The following SHOC1 variants were observed in gnomAD, a reference collection of about 807,000 sequenced individuals.
The protein encoded by SHOC1 is protein shortage in chiasmata 1 ortholog.
A neutral mutation model predicts 179.2 loss-of-function variants in SHOC1; 136 were observed. The observed-to-expected ratio is 0.76, with a 90% CI of 0.66 to 0.87. The LOEUF (loss-of-function observed/expected upper bound fraction) is 0.87, where lower values mean the gene tolerates loss of function less well. SHOC1 is among the 40% of genes least tolerant of loss of function. The pLI, the probability that SHOC1 is intolerant of heterozygous loss-of-function variation, is 0.00. For synonymous variants in SHOC1, 489 were observed against 586.6 expected, an observed-to-expected ratio of 0.83 and a Z score of 2.41; for missense variants, 1,538 against 1,700.8, an observed-to-expected ratio of 0.90 and a Z score of 1.68.
At chr9:111,690,329 G>A (rs1414771433) in intron 27 of SHOC1, among the ~76,000 whole-genome samples, 1 of 152,192 alleles carries the variant, frequency 6.6e-6, no homozygotes, top group Non-Finnish European at 1.5e-5. Context: ...GGGAGGCTAA[G>A]ATGGGAGGAT....
chr9:111,720,360 G>A (rs1293343049), intron 15 of SHOC1, among the ~76,000 whole-genome samples: 1 of 152,194 alleles, frequency 6.6e-6, no homozygotes, highest in African/African-American at 2.4e-5. Context: ...CATGTGGCAT[G>A]TCTTTTTGTT....
At position 111,694,366 on chromosome 9, in the gene SHOC1, AAAAATAT is replaced by A; in HGVS notation, c.3184-11_3184-5del. 6.3e-7 allele frequency: 1 copy of A among 1,595,924 alleles called. No individual in the cohort carries two copies. ...CTACTCCTGGGGCAATTATAAGCTA[AAAAATAT>A]TTTTTATGTTAGATTATAGGAAATA... On this transcript the variant is annotated splice_polypyrimidine_tract_variant and splice_region_variant and intron_variant, in intron 24 of 27. Transcript: ENST00000682961.
chr9:111,703,327 C>A (rs77737223), intron 22 of SHOC1, among the ~76,000 whole-genome samples: 1,773 of 152,154 alleles, frequency 0.012, 21 homozygotes, highest in Non-Finnish European at 0.017. Flanking sequence ...TGCTCCCACT[C>A]CCACCCCAAT....
chr9:111,691,461 T>C, intron 27 of SHOC1, 90 bp downstream of exon 27: 2 of 1,327,034 alleles, frequency 1.5e-6, no homozygotes, highest in Non-Finnish European at 2.0e-6. Context: ...AATGTAGTAA[T>C]TAAAACAAAA....
At chr9:111,699,641 T>C (rs114012960) in intron 24 of SHOC1, among the ~76,000 whole-genome samples, 334 of 152,314 alleles carry the variant, frequency 2.2e-3, no homozygotes, top group African/African-American at 7.4e-3. Flanking sequence ...TTACAGCAGA[T>C]ACAAGCTTAG....
At chr9:111,736,906 T>C (rs1386162499) in intron 12 of SHOC1, among the ~76,000 whole-genome samples, 2 of 152,042 alleles carry the variant, frequency 1.3e-5, no homozygotes, top group African/African-American at 2.4e-5. Flanking sequence ...GCAAAAGACA[T>C]GAACAGACAC....
chr9:111,787,738 T>C (rs1017757697), intron 2 of SHOC1, among the ~76,000 whole-genome samples: 4 of 152,062 alleles, frequency 2.6e-5, no homozygotes, highest in African/African-American at 9.7e-5. Context: ...GAGGATTGAG[T>C]CTAATTTTCA....
chr9:111,746,278 T>G lies in SHOC1; in HGVS notation c.1035A>C (p.Leu345Phe). The G allele has an allele frequency of 1.9e-6, 3 of 1,612,246 alleles. No homozygotes were observed. Among genetic ancestry groups the G allele is most frequent in the Non-Finnish European group, 2.5e-6 (3 of 1,178,490 alleles). Residue 345 changes from leucine to phenylalanine, a missense_variant, in exon 10 of 28, where the codon TTA (leucine) becomes TTC (phenylalanine). Physicochemically the swap from Leu to Phe is conservative, Grantham distance 22. Coordinates refer to ENST00000682961, the MANE Select transcript of SHOC1 (RefSeq NM_001378211.1). Reference protein sequence around the residue: ...LTCQHSSVNSLRTELQTFPLS... With the variant: ...LTCQHSSVNSFRTELQTFPLS... The stretch of plus-strand genomic sequence containing the variant: ...ATGGAAATGTCTGAAGTTCTGTACG[T>G]AATGAATTCACTGAAGAATGTTGGC...
intron 9 of SHOC1, 130 bp from the exon 10 acceptor site, chr9:111,746,472 T>TA: frequency 1.9e-6 from 1 of 529,616 alleles, no homozygotes; most frequent in Non-Finnish European, 3.4e-6. Flanking sequence ...TCCAGGAGTT[T>TA]AAGACCTGGG....
At chr9:111,766,419 C>A (rs1835362506) in intron 5 of SHOC1, among the ~76,000 whole-genome samples, 1 of 152,072 alleles carries the variant, frequency 6.6e-6, no homozygotes, top group Non-Finnish European at 1.5e-5. Context: ...ACTGCTGGAT[C>A]ATATGGTAGT....
intron 16 of SHOC1, among the ~76,000 whole-genome samples, chr9:111,715,026 A>G (rs999109535): frequency 6.6e-6 from 1 of 152,198 alleles, no homozygotes; most frequent in East Asian, 1.9e-4. Flanking sequence ...TTATTTATGT[A>G]TATCACTTAG....
chr9:111,780,868 G>A (rs1297448242), intron 4 of SHOC1, 62 bp downstream of exon 4: 3 of 1,142,672 alleles, frequency 2.6e-6, no homozygotes, highest in African/African-American at 3.1e-5. Context: ...TAGGTATCTG[G>A]AGAACTTACT....
At chr9:111,775,599 C>T (rs1835798821) in intron 5 of SHOC1, among the ~76,000 whole-genome samples, 192 bp downstream of exon 5, 1 of 151,934 alleles carries the variant, frequency 6.6e-6, no homozygotes, top group Non-Finnish European at 1.5e-5. Context: ...AATTAAACTC[C>T]AAAAATAACC....
intron 10 of SHOC1, 40 bp from the exon 11 acceptor site, chr9:111,741,610 G>A (rs1300686349): frequency 9.6e-7 from 1 of 1,044,080 alleles, no homozygotes; most frequent in African/African-American, 1.7e-5. Context: ...TAATAATATT[G>A]AGTCTTTTGT....
chr9:111,703,864 T>G lies in SHOC1; in HGVS notation c.2967+17A>C, dbSNP rs748712490. The G allele has an allele frequency of 2.3e-6, 3 of 1,316,152 alleles. No individual in the cohort carries two copies. Among genetic ancestry groups the G allele is most frequent in the Non-Finnish European group, 3.3e-6 (3 of 917,946 alleles). The allele number at this position is 1,316,152 out of a possible 1,614,324, so 81.5% of individuals were successfully genotyped here. A position where few individuals can be genotyped will look rare whatever the true frequency, so the allele number is the denominator to read the frequency against. On this transcript the variant is annotated intron_variant, in intron 22 of 27. Coordinates refer to ENST00000682961, the MANE Select transcript of SHOC1 (RefSeq NM_001378211.1). ...TTTTAGTCTATTTTAGTTTATATAT[T>G]TTCTACCTAGTTTTACCTGCAAAAT... is the stretch of plus-strand genomic sequence containing the variant.
rs1266691070 is a variant in SHOC1 at position 111,737,014 on chromosome 9, C to T, written c.1417+1266G>A. 2.0e-5 allele frequency among the ~76,000 whole-genome samples: 3 copies of T among 152,086 alleles called. No individual in the cohort carries two copies. In the East Asian group the frequency reaches 5.8e-4, roughly 29 times the overall value. On this transcript the variant is annotated intron_variant, in intron 12 of 27. Coordinates refer to ENST00000682961, the MANE Select transcript of SHOC1 (RefSeq NM_001378211.1). ...GCAAATCAAAGCTACAATGAGGTAC[C>T]ATTTCATATCATTCAGAATGGCTAC...
intron 11 of SHOC1, among the ~76,000 whole-genome samples, chr9:111,738,753 G>A (rs1833915093): frequency 2.6e-5 from 4 of 152,090 alleles, no homozygotes; most frequent in Admixed American, 2.6e-4. Context: ...TTCACTCTTT[G>A]AAAATATCAA....
At chr9:111,747,701 C>T (rs1834358080) in intron 9 of SHOC1, among the ~76,000 whole-genome samples, 1 of 152,130 alleles carries the variant, frequency 6.6e-6, no homozygotes, top group Non-Finnish European at 1.5e-5. Context: ...GTGCCTCAGC[C>T]TCCTGAGTGT....
At chr9:111,737,483 A>AT (rs1253767047) in intron 12 of SHOC1, among the ~76,000 whole-genome samples, 1 of 152,124 alleles carries the variant, frequency 6.6e-6, no homozygotes, top group Non-Finnish European at 1.5e-5. Context: ...CCTGGCCAAC[A>AT]TGGTGAAACC....
Sources: gnomAD v4.1 joint callset for allele counts (sites outside exome capture counted in the v4.1 genomes callset) on GRCh38, gnomAD v4.1.1 for gene constraint, MANE v1.5 for transcripts, NCBI Gene and HGNC (gene_info 2026-07-23, HGNC 2026-07-21) for gene names.